The following PHACTR2 variants were observed in gnomAD, a reference collection of about 807,000 sequenced individuals.
The protein encoded by PHACTR2 is phosphatase and actin regulator 2, also known as chromosome 6 open reading frame 56.
A neutral mutation model predicts 76.0 loss-of-function variants in PHACTR2; 30 were observed. That is an observed-to-expected ratio of 0.39 (90% CI 0.30 to 0.54). PHACTR2 has a LOEUF of 0.54. PHACTR2 is among the 20% of genes least tolerant of loss of function. PHACTR2 has a pLI of 0.61. For missense variants in PHACTR2, 696 were observed against 781.1 expected (o/e 0.89, Z 1.30); for synonymous variants, 292 against 292.5 (o/e 1.00, Z 0.02).
chr6:143,546,775 C>G lies in PHACTR2; in HGVS notation c.217+9568C>G, dbSNP rs1333198957. ...GCGCAGTGGCTTACACATGTAATCC[C>G]AACATTTTGGGAGGTGGAGGCAGAA... On this transcript the variant is annotated intron_variant, in intron 1 of 11. Coordinates refer to the PHACTR2 transcript ENST00000367584. The surrounding 1 kb of genome is among the most constrained non-coding windows in gnomAD (Gnocchi z 4.9). Among the ~76,000 whole-genome samples, 3 of 150,926 alleles carry G rather than the reference C, an allele frequency of 2.0e-5. No individual in the cohort carries two copies. Among genetic ancestry groups the G allele is most frequent in the African/African-American group, 7.3e-5 (3 of 40,962 alleles).
chr6:143,625,236 A>G lies in PHACTR2; in HGVS notation c.13+16914A>G, dbSNP rs942116879. ...GGGCATCATGTGACTATCGTTTAAA[A>G]TACAGTCATGTATACGTACAATAGA... On this transcript the variant is annotated intron_variant, in intron 1 of 11. Transcript: ENST00000305766. The surrounding 1 kb of genome is among the most constrained non-coding windows in gnomAD (Gnocchi z 4.3). Among the ~76,000 whole-genome samples, 15 of 152,216 alleles carry G rather than the reference A, an allele frequency of 9.9e-5. No individual in the cohort carries two copies. Among genetic ancestry groups the G allele is most frequent in the African/African-American group, 3.1e-4 (13 of 41,462 alleles).
Position 143,787,039 on chromosome 6 carries a change from C to A in PHACTR2, c.1708-1734C>A, listed in dbSNP as rs1414795215. Among the ~76,000 whole-genome samples the A allele has an allele frequency of 6.6e-6, 1 of 151,188 alleles. No individual in the cohort carries two copies. The highest frequency in any genetic ancestry group is 2.4e-5 in the African/African-American group (1 of 41,096). Reference sequence around the variant, plus strand: ...TACCATCTGTAGACAATCAATCACCCCCTCCTTATTGCCCTGGGCACAGTC... The same window carrying A: ...TACCATCTGTAGACAATCAATCACCACCTCCTTATTGCCCTGGGCACAGTC... On this transcript the variant is annotated intron_variant, in intron 10 of 12. Coordinates refer to ENST00000440869, the MANE Select transcript of PHACTR2 (RefSeq NM_001100164.2). The surrounding 1 kb of genome is among the most constrained non-coding windows in gnomAD (Gnocchi z 4.6).
At chr6:143,685,641 A>G (rs71564446) in intron 1 of PHACTR2, among the ~76,000 whole-genome samples, 7,172 of 151,584 alleles carry the variant, frequency 0.047, 219 homozygotes, top group Middle Eastern at 0.082. Flanking sequence ...CCAAAGAAGA[A>G]CATAAGTGAT....
chr6:143,614,576 C>T (rs1776032284), intron 1 of PHACTR2, among the ~76,000 whole-genome samples: 2 of 152,130 alleles, frequency 1.3e-5, no homozygotes, highest in African/African-American at 4.8e-5. Flanking sequence ...ATCAAGCATT[C>T]ATACTTCCAT....
At chr6:143,604,859 T>C (rs961689876), upstream of PHACTR2, among the ~76,000 whole-genome samples, 2 of 142,494 alleles carry the variant, frequency 1.4e-5, no homozygotes. Context: ...GCCATTGCAC[T>C]CCAGCCTAGG....
In PHACTR2 at chr6:143,751,791, TACACACACACAC is replaced by T. The variant is rs71024875; in HGVS notation, c.296-1940_296-1929del. ...TCCTTTGCTCTGCTTGTATTTTACT[TACACACACACAC>T]ACACACACACACACACACACACTAT... On this transcript the variant is annotated intron_variant, in intron 3 of 12. Transcript: ENST00000440869. This position sits in a 1 kb window ranked among gnomAD's most constrained non-coding sequence, Gnocchi z 5.7. 1.4e-5 allele frequency among the ~76,000 whole-genome samples: 2 copies of T among 140,266 alleles called. No homozygotes were observed. Among genetic ancestry groups the T allele is most frequent in the Non-Finnish European group, 3.1e-5 (2 of 65,004 alleles). 92.0% of individuals were successfully genotyped at this position (140,266 alleles called of 152,430 possible).
chr6:143,683,342 G>GTATT lies in PHACTR2; in HGVS notation c.46+5135_46+5138dup, dbSNP rs1027945556. ...CAATGATTATATGAATGAGAGGTAT[G>GTATT]TATTTTTTATATTCTTTTTTTAGTC... On this transcript the variant is annotated intron_variant, in intron 1 of 12. Coordinates refer to ENST00000440869, the MANE Select transcript of PHACTR2 (RefSeq NM_001100164.2). This position sits in a 1 kb window ranked among gnomAD's most constrained non-coding sequence, Gnocchi z 4.1. Among the ~76,000 whole-genome samples, 2 of 152,170 alleles carry GTATT rather than the reference G, an allele frequency of 1.3e-5. No homozygotes were observed. Among genetic ancestry groups the GTATT allele is most frequent in the African/African-American group, 4.8e-5 (2 of 41,444 alleles).
intron 1 of PHACTR2, among the ~76,000 whole-genome samples, chr6:143,636,315 G>A (rs1420723061): frequency 6.6e-6 from 1 of 151,866 alleles, no homozygotes; most frequent in African/African-American, 2.4e-5. Flanking sequence ...TATATGAAAT[G>A]TATTTTTACA....
chr6:143,579,600 A>G (rs757800788), intron 1 of PHACTR2, among the ~76,000 whole-genome samples: 2 of 152,112 alleles, frequency 1.3e-5, no homozygotes, highest in Non-Finnish European at 2.9e-5. Context: ...ACCATCTCAG[A>G]GAAGGCACTT....
intron 2 of PHACTR2, among the ~76,000 whole-genome samples, chr6:143,736,208 A>C (rs1424168600): frequency 6.6e-6 from 1 of 152,138 alleles, no homozygotes; most frequent in Non-Finnish European, 1.5e-5. Flanking sequence ...AGCCTGTGAT[A>C]CTATTTTAAA....
At chr6:143,715,935 C>A (rs544680429) in intron 2 of PHACTR2, among the ~76,000 whole-genome samples, 77 of 152,276 alleles carry the variant, frequency 5.1e-4, no homozygotes, top group African/African-American at 1.7e-3. Context: ...GTCCTATCAC[C>A]TAATGTCTCA....
intron 12 of PHACTR2, among the ~76,000 whole-genome samples, chr6:143,808,976 G>A (rs915609253): frequency 7.2e-5 from 11 of 152,228 alleles, no homozygotes; most frequent in African/African-American, 2.7e-4. Context: ...AATATTTTGA[G>A]TGACATCATG....
At chr6:143,655,367 G>A (rs991825840) in intron 1 of PHACTR2, among the ~76,000 whole-genome samples, 1 of 152,032 alleles carries the variant, frequency 6.6e-6, no homozygotes, top group African/African-American at 2.4e-5. Context: ...TTACTGGGTT[G>A]ATGACAATAC....
chr6:143,642,184 T>A (rs888621635), intron 1 of PHACTR2, among the ~76,000 whole-genome samples: 2 of 152,238 alleles, frequency 1.3e-5, no homozygotes, highest in Admixed American at 6.5e-5. Context: ...TTAATCAATG[T>A]CCTATTATTA....
At position 143,818,898 on chromosome 6, in the gene PHACTR2, A is replaced by G. The variant is rs1776358189; in HGVS notation, c.1923-4776A>G. ...TTGCCTTTCACATTGTATATAAAAT[A>G]TTTGATTTAAGAGGTTTTCAGTTAC... On this transcript the variant is annotated intron_variant, in intron 12 of 12. Transcript: ENST00000440869. This position sits in a 1 kb window ranked among gnomAD's most constrained non-coding sequence, Gnocchi z 4.9. 6.6e-6 allele frequency among the ~76,000 whole-genome samples: 1 copy of G among 152,188 alleles called. No individual in the cohort carries two copies. The highest frequency in any genetic ancestry group is 6.5e-5 in the Admixed American group (1 of 15,280).
In PHACTR2 at chr6:143,641,593, G is replaced by A. The variant is rs1023073486; in HGVS notation, c.13+33271G>A. Among the ~76,000 whole-genome samples, 11 of 152,018 alleles carry A rather than the reference G, an allele frequency of 7.2e-5. No homozygotes were observed. The highest frequency in any genetic ancestry group is 1.2e-4 in the Non-Finnish European group (8 of 68,004). Reference sequence around the variant, plus strand: ...ATGATCTCGGCTAACCACAACCTCCGCCTCCCAGGTTCAAGCGATTCTCCT... The same window carrying A: ...ATGATCTCGGCTAACCACAACCTCCACCTCCCAGGTTCAAGCGATTCTCCT... On this transcript the variant is annotated intron_variant, in intron 1 of 11. Coordinates refer to the PHACTR2 transcript ENST00000305766. This position sits in a 1 kb window ranked among gnomAD's most constrained non-coding sequence, Gnocchi z 5.8.
At position 143,583,826 on chromosome 6, in the gene PHACTR2, A is replaced by G. The variant is rs886168309; in HGVS notation, c.217+46619A>G. Among the ~76,000 whole-genome samples the G allele has an allele frequency of 6.6e-6, 1 of 152,250 alleles. No individual in the cohort carries two copies. ...ATAATAGGTGCCAGGCATCATACCC[A>G]GAGAGGGACCTAGCATAACCAGAAT... On this transcript the variant is annotated intron_variant, in intron 1 of 11. Transcript: ENST00000367584. This position sits in a 1 kb window ranked among gnomAD's most constrained non-coding sequence, Gnocchi z 4.0.
chr6:143,649,497 A>G (rs556236014), intron 1 of PHACTR2, among the ~76,000 whole-genome samples: 1 of 152,322 alleles, frequency 6.6e-6, no homozygotes, highest in South Asian at 2.1e-4. Context: ...ATTCACCATG[A>G]TTCAGTAGGC....
Position 143,739,651 on chromosome 6 carries a change from G to A in PHACTR2, c.215-9334G>A, listed in dbSNP as rs912313094. 1.3e-5 allele frequency among the ~76,000 whole-genome samples: 2 copies of A among 152,194 alleles called. No homozygotes were observed. Among genetic ancestry groups the A allele is most frequent in the African/African-American group, 4.8e-5 (2 of 41,428 alleles). ...GGAAGGACAGGCTGTGTTACACGTAGCACTCAAATCTTCGCTTCTAATTAC... is the reference window on the plus strand; with the variant it reads ...GGAAGGACAGGCTGTGTTACACGTAACACTCAAATCTTCGCTTCTAATTAC... On this transcript the variant is annotated intron_variant, in intron 2 of 12. Transcript: ENST00000440869. The surrounding 1 kb of genome is among the most constrained non-coding windows in gnomAD (Gnocchi z 4.3).
Sources: allele counts gnomAD v4.1 joint callset (sites outside exome capture counted in the v4.1 genomes callset), GRCh38; gene constraint gnomAD v4.1.1; non-coding constraint Gnocchi (gnomAD v3.1); transcripts MANE v1.5; gene names NCBI Gene and HGNC (gene_info 2026-07-23, HGNC 2026-07-21).